LRP1B: variants seen among roughly 807,000 people sequenced by gnomAD.
LRP1B encodes LDL receptor related protein 1B.
A neutral mutation model predicts 556.6 loss-of-function variants in LRP1B; 217 were observed. The observed-to-expected ratio is 0.39, with a 90% CI of 0.35 to 0.44. The LOEUF (loss-of-function observed/expected upper bound fraction) is 0.44, where lower values mean the gene tolerates loss of function less well. Among genes scored for constraint, LRP1B ranks in the 20% least tolerant of loss-of-function variants. LRP1B has a pLI of 1.00. For missense variants in LRP1B, 5,053 were observed against 5,620.8 expected (o/e 0.90, Z 3.23); for synonymous variants, 2,047 against 1,865.8 (o/e 1.10, Z -2.50).
At chr2:142,059,457 G>C (rs1465976055) in intron 1 of LRP1B, among the ~76,000 whole-genome samples, 1 of 151,870 alleles carries the variant, frequency 6.6e-6, no homozygotes, top group Non-Finnish European at 1.5e-5. Context: ...ATGGTTTTTG[G>C]GGAAGAACTT....
intron 77 of LRP1B, among the ~76,000 whole-genome samples, chr2:140,349,535 A>T (rs1681863561): frequency 6.6e-6 from 1 of 151,994 alleles, no homozygotes; most frequent in African/African-American, 2.4e-5. Flanking sequence ...TATACAATTA[A>T]TTTTAGTATA....
At chr2:141,319,177 C>A (rs116228269) in intron 3 of LRP1B, among the ~76,000 whole-genome samples, 1 of 151,830 alleles carries the variant, frequency 6.6e-6, no homozygotes, top group African/African-American at 2.4e-5. Flanking sequence ...TTTGTAATAT[C>A]GTCAACAAAT....
In LRP1B at chr2:140,357,590, TG is replaced by T. The variant is rs1682285904; in HGVS notation, c.11395+388del. Among the ~76,000 whole-genome samples the T allele has an allele frequency of 2.0e-5, 3 of 151,670 alleles. No individual in the cohort carries two copies. The South Asian group carries it at 6.2e-4, about 31-fold the overall frequency. ...ATCTTCTGTAAGAATGACTCAGCAA[TG>T]GATTAAATTTTTTTTAACATTGAAA... On this transcript the variant is annotated intron_variant, in intron 74 of 90. Coordinates refer to ENST00000389484, the MANE Select transcript of LRP1B (RefSeq NM_018557.3).
At chr2:140,260,826 T>C (rs1253738563) in intron 86 of LRP1B, among the ~76,000 whole-genome samples, 1 of 151,884 alleles carries the variant, frequency 6.6e-6, no homozygotes, top group African/African-American at 2.4e-5. Flanking sequence ...TCTTAACAGC[T>C]TTTAACATTT....
At chr2:142,049,742 G>A (rs1312197240) in intron 1 of LRP1B, among the ~76,000 whole-genome samples, 2 of 152,006 alleles carry the variant, frequency 1.3e-5, no homozygotes, top group Non-Finnish European at 2.9e-5. Flanking sequence ...AGATGCACAG[G>A]CAACAGCCAT....
intron 20 of LRP1B, 123 bp downstream of exon 20, chr2:140,950,112 C>A (rs1446077641): frequency 3.0e-6 from 2 of 658,750 alleles, no homozygotes; most frequent in Non-Finnish European, 4.9e-6. Context: ...TTACACAGTT[C>A]CACATGTATA....
intron 2 of LRP1B, among the ~76,000 whole-genome samples, chr2:141,597,927 G>A (rs997969155): frequency 2.0e-5 from 3 of 151,690 alleles, no homozygotes; most frequent in Non-Finnish European, 2.9e-5. Context: ...AAAAGACTCT[G>A]TAAACAAGCC....
intron 7 of LRP1B, among the ~76,000 whole-genome samples, chr2:141,165,722 G>T (rs1211873280): frequency 6.6e-6 from 1 of 151,932 alleles, no homozygotes; most frequent in East Asian, 1.9e-4. Flanking sequence ...GCAATTAAAA[G>T]TTCTGTGTAA....
At chr2:140,256,766 C>G in intron 86 of LRP1B, among the ~76,000 whole-genome samples, 1 of 151,562 alleles carries the variant, frequency 6.6e-6, no homozygotes, top group South Asian at 2.1e-4. Context: ...CGCGCCCAAC[C>G]CTTCTTTTTC....
intron 11 of LRP1B, among the ~76,000 whole-genome samples, chr2:141,040,435 T>C (rs377317019): frequency 3.3e-5 from 5 of 152,044 alleles, no homozygotes; most frequent in Non-Finnish European, 5.9e-5. Flanking sequence ...CTGAAGATCA[T>C]TGAAATCCAA....
chr2:142,088,714 A>G lies in LRP1B; in HGVS notation c.82+41934T>C, dbSNP rs928786270. 3.9e-5 allele frequency among the ~76,000 whole-genome samples: 6 copies of G among 152,036 alleles called. No homozygotes were observed. In the East Asian group the frequency reaches 1.2e-3, roughly 29 times the overall value. The stretch of plus-strand genomic sequence containing the variant: ...CTTATGGCCGGGCGCAGTGGCTCAC[A>G]CCTGTAATCCCAGCACTTTGGGAGG... On this transcript the variant is annotated intron_variant, in intron 1 of 90. Coordinates refer to ENST00000389484, the MANE Select transcript of LRP1B (RefSeq NM_018557.3).
chr2:142,126,463 C>T (rs1021140388), intron 1 of LRP1B, among the ~76,000 whole-genome samples: 5 of 151,674 alleles, frequency 3.3e-5, no homozygotes, highest in Non-Finnish European at 7.4e-5. Flanking sequence ...GGGTTGGGGG[C>T]AATTGTATAG....
intron 63 of LRP1B, among the ~76,000 whole-genome samples, chr2:140,449,501 A>T (rs1422536656): frequency 1.3e-5 from 2 of 152,144 alleles, no homozygotes; most frequent in Non-Finnish European, 2.9e-5. Context: ...TAAAAAATCA[A>T]AGAGCAGTGG....
intron 49 of LRP1B, among the ~76,000 whole-genome samples, chr2:140,517,513 A>C (rs1267060533): frequency 6.6e-6 from 1 of 152,078 alleles, no homozygotes; most frequent in African/African-American, 2.4e-5. Context: ...ACAGGATTTA[A>C]ACAATTATTC....
intron 1 of LRP1B, among the ~76,000 whole-genome samples, chr2:141,838,810 T>C (rs537935996): frequency 1.3e-5 from 2 of 152,288 alleles, no homozygotes; most frequent in Admixed American, 1.3e-4. Flanking sequence ...ATGAAGTGAA[T>C]GGGAAAATTG....
intron 41 of LRP1B, among the ~76,000 whole-genome samples, chr2:140,631,806 T>G (rs1328419024): frequency 6.6e-6 from 1 of 152,122 alleles, no homozygotes; most frequent in Non-Finnish European, 1.5e-5. Context: ...CAGAGAACAC[T>G]AAGCAGAATA....
chr2:140,552,621 C>T (rs892163153), intron 43 of LRP1B, among the ~76,000 whole-genome samples: 2 of 152,088 alleles, frequency 1.3e-5, no homozygotes, highest in Non-Finnish European at 2.9e-5. Context: ...ATGAATGCTG[C>T]CCCTTACAAG....
intron 1 of LRP1B, among the ~76,000 whole-genome samples, chr2:141,995,810 T>C (rs1297126156): frequency 6.6e-6 from 1 of 152,210 alleles, no homozygotes; most frequent in East Asian, 1.9e-4. Flanking sequence ...TTTTATTCTG[T>C]GGAAGATAAT....
intron 3 of LRP1B, among the ~76,000 whole-genome samples, chr2:141,431,315 T>C (rs1443836052): frequency 6.6e-6 from 1 of 152,010 alleles, no homozygotes; most frequent in Non-Finnish European, 1.5e-5. Context: ...GATTCTGAGA[T>C]GTAATAGGCT....
Sources: allele counts gnomAD v4.1 joint callset (sites outside exome capture counted in the v4.1 genomes callset), GRCh38; gene constraint gnomAD v4.1.1; transcripts MANE v1.5; gene names NCBI Gene and HGNC (gene_info 2026-07-23, HGNC 2026-07-21).